The following NPSR1 variants were observed in gnomAD, a reference collection of about 807,000 sequenced individuals.
NPSR1 encodes the protein neuropeptide S receptor 1.
NPSR1 carries 48 observed loss-of-function variants against 46.9 expected under a neutral mutation model. That is an observed-to-expected ratio of 1.02 (90% CI 0.81 to 1.30). The LOEUF (loss-of-function observed/expected upper bound fraction) is 1.30, where lower values mean the gene tolerates loss of function less well. Ranked by LOEUF, NPSR1 falls within the 50% of genes most tolerant of loss-of-function variation. The pLI is 0.00. For missense variants in NPSR1, 450 were observed against 449.5 expected (o/e 1.00, Z -0.01); for synonymous variants, 176 against 168.1 (o/e 1.05, Z -0.36).
At chr7:34,666,933 G>C (rs1368166917) in intron 1 of NPSR1, among the ~76,000 whole-genome samples, 1 of 152,044 alleles carries the variant, frequency 6.6e-6, no homozygotes, top group Non-Finnish European at 1.5e-5. Flanking sequence ...CAAAGAAAAG[G>C]GCCTTACATT....
chr7:34,823,358 C>T (rs967928609), intron 4 of NPSR1, among the ~76,000 whole-genome samples: 15 of 138,494 alleles, frequency 1.1e-4, no homozygotes, highest in Non-Finnish European at 2.0e-4. Context: ...CACCACTGCA[C>T]TCTAGCCCTC....
At chr7:34,713,981 T>C (rs1217594100) in intron 2 of NPSR1, among the ~76,000 whole-genome samples, 1 of 152,264 alleles carries the variant, frequency 6.6e-6, no homozygotes, top group Non-Finnish European at 1.5e-5. Flanking sequence ...CATCAGTTTA[T>C]TGCCTTTCAT....
intron 1 of NPSR1, among the ~76,000 whole-genome samples, chr7:34,663,095 CG>C (rs78997347): frequency 1.5e-5 from 1 of 65,074 alleles, no homozygotes; most frequent in African/African-American, 1.6e-4. Context: ...GTGTGTGTGG[CG>C]GGGGGGAGTG....
intron 2 of NPSR1, among the ~76,000 whole-genome samples, chr7:34,775,485 G>T (rs11765244): frequency 0.074 from 11,240 of 152,152 alleles, 500 homozygotes; most frequent in East Asian, 0.12. Flanking sequence ...TTCTTTATTG[G>T]AAGACATTTT....
intron 3 of NPSR1, among the ~76,000 whole-genome samples, chr7:34,795,441 A>T (rs1788130353): frequency 6.6e-6 from 1 of 152,150 alleles, no homozygotes; most frequent in Non-Finnish European, 1.5e-5. Flanking sequence ...AAAAGGAAAT[A>T]AAAGACACAC....
intron 3 of NPSR1, among the ~76,000 whole-genome samples, chr7:34,794,712 C>A (rs1444569078): frequency 6.6e-6 from 1 of 151,784 alleles, no homozygotes; most frequent in Non-Finnish European, 1.5e-5. Flanking sequence ...ACACTAATAC[C>A]AAAAGCAGAC....
At chr7:34,815,602 C>A (rs922769825) in intron 4 of NPSR1, among the ~76,000 whole-genome samples, 4 of 151,998 alleles carry the variant, frequency 2.6e-5, no homozygotes, top group African/African-American at 4.8e-5. Flanking sequence ...ATAGCAACCC[C>A]AAGACATGTA....
intron 2 of NPSR1, among the ~76,000 whole-genome samples, chr7:34,716,930 C>A (rs1462419673): frequency 6.6e-6 from 1 of 152,168 alleles, no homozygotes; most frequent in Non-Finnish European, 1.5e-5. Flanking sequence ...CCTACAGTCA[C>A]TGCTCTGCTA....
intron 3 of NPSR1, among the ~76,000 whole-genome samples, chr7:34,809,608 C>T (rs1414331060): frequency 1.3e-5 from 2 of 151,290 alleles, no homozygotes; most frequent in African/African-American, 2.4e-5. Flanking sequence ...GGACTACAGG[C>T]GCCCGCCACT....
intron 2 of NPSR1, among the ~76,000 whole-genome samples, chr7:34,764,501 T>C (rs377323631): frequency 5.8e-4 from 88 of 152,310 alleles, no homozygotes; most frequent in African/African-American, 2.0e-3. Flanking sequence ...CACTCTACAA[T>C]GGCAGATTTG....
In NPSR1 at chr7:34,848,630, G is replaced by C. The variant is rs572941013; in HGVS notation, c.992G>C (p.Cys331Ser). ...AGTGCCATCAACCCCCTCATCTACT[G>C]TGTCTTCAGCAGCTCCATCTCTTTC... is the stretch of plus-strand genomic sequence containing the variant. ...LNSAINPLIY[C>S]VFSSSISFPC... is the part of the protein sequence containing the mutation. Residue 331 changes from cysteine (C) to serine (S), a missense_variant, in exon 8 of 9, where the codon TGT (cysteine) becomes TCT (serine). Transcript: ENST00000360581. The C allele has an allele frequency of 6.2e-7, 1 of 1,614,086 alleles. No homozygotes were observed. Among genetic ancestry groups the C allele is most frequent in the Non-Finnish European group, 8.5e-7 (1 of 1,180,020 alleles).
chr7:34,816,179 G>C (rs13307127), intron 4 of NPSR1, among the ~76,000 whole-genome samples: 1 of 145,726 alleles, frequency 6.9e-6, no homozygotes, highest in Non-Finnish European at 1.5e-5. Context: ...CTCATCTCAT[G>C]TGCAGAGATA....
intron 2 of NPSR1, among the ~76,000 whole-genome samples, chr7:34,722,551 G>T (rs965404277): frequency 1.3e-5 from 2 of 152,280 alleles, no homozygotes; most frequent in East Asian, 3.9e-4. Flanking sequence ...ACATGTAAAG[G>T]ATTTAAACAA....
chr7:34,764,165 GTTTGTT>G (rs1786315073), intron 2 of NPSR1, among the ~76,000 whole-genome samples: 1 of 152,294 alleles, frequency 6.6e-6, no homozygotes, highest in African/African-American at 2.4e-5. Flanking sequence ...ACAAAGGCAT[GTTTGTT>G]TTTATCAAAA....
In NPSR1 at chr7:34,756,181, C is replaced by G. The variant is rs324965; in HGVS notation, c.281-22281C>G. ...TCAACAGCTCGGATTGTTCTCCCCA[C>G]CGCCCCCCTACTTCCTGTCCTAATT... On this transcript the variant is annotated intron_variant, in intron 2 of 8. Transcript: ENST00000360581. Among the ~76,000 whole-genome samples, 1,111 of 152,246 alleles carry G rather than the reference C, an allele frequency of 7.3e-3. 13 individuals are homozygous for G. The highest frequency in any genetic ancestry group is 0.025 in the African/African-American group (1,047 of 41,538).
chr7:34,828,743 T>C (rs1335698333), intron 5 of NPSR1, among the ~76,000 whole-genome samples: 1 of 152,214 alleles, frequency 6.6e-6, no homozygotes, highest in African/African-American at 2.4e-5. Flanking sequence ...CATAACTCAT[T>C]CTTGTGGAAT....
chr7:34,740,682 G>A (rs1784898311), intron 2 of NPSR1, among the ~76,000 whole-genome samples: 1 of 152,164 alleles, frequency 6.6e-6, no homozygotes, highest in Admixed American at 6.5e-5. Context: ...GTTACCTAGT[G>A]ACGGTGTGTG....
In NPSR1 at chr7:34,864,384, A is replaced by G. The variant is rs566284796; in HGVS notation, c.1026-13692A>G. Among the ~76,000 whole-genome samples the G allele has an allele frequency of 1.2e-3, 177 of 148,168 alleles. 1 individual carries two copies. Among genetic ancestry groups the G allele is most frequent in the Non-Finnish European group, 5.7e-4 (38 of 66,572 alleles). On this transcript the variant is annotated intron_variant, in intron 8 of 8. Transcript: ENST00000359791. ...CTTAAAGTATAATAATAAAAAAAAA[A>G]GAAAAAAAAAAGACACTCCAGCAAT...
intron 1 of NPSR1, among the ~76,000 whole-genome samples, chr7:34,673,932 A>G (rs1792184854): frequency 6.6e-6 from 1 of 152,218 alleles, no homozygotes. Context: ...CGTAAATGCC[A>G]ACAGGAGGTC....
Sources: allele counts gnomAD v4.1 joint callset (sites outside exome capture counted in the v4.1 genomes callset), GRCh38; gene constraint gnomAD v4.1.1; transcripts MANE v1.5; gene names NCBI Gene and HGNC (gene_info 2026-07-23, HGNC 2026-07-21).